PCDHA8: variants seen among roughly 807,000 people sequenced by gnomAD.
The protein encoded by PCDHA8 is protocadherin alpha 8.
In PCDHA8, 53 loss-of-function variants were observed where a neutral mutation model predicts 61.8. That is an observed-to-expected ratio of 0.86 (90% confidence interval 0.69 to 1.08). The LOEUF is 1.08. PCDHA8 is among the 50% of genes least tolerant of loss of function. The pLI, the probability that PCDHA8 is intolerant of heterozygous loss-of-function variation, is 0.00. For missense variants in PCDHA8, 1,293 were observed against 1,245.0 expected, an observed-to-expected ratio of 1.04 and a Z score of -0.58; for synonymous variants, 618 against 556.6, an observed-to-expected ratio of 1.11 and a Z score of -1.55.
Position 140,882,272 on chromosome 5 carries a change from C to G in PCDHA8, c.2394+38557C>G, listed in dbSNP as rs782377951. On this transcript the variant is annotated intron_variant, in intron 1 of 3. Transcript: ENST00000531613. ...TCTGAGGTTTTTGGAGTGTACCATG[C>G]TGTCTTCCTGGCAAGGAGGCCCAAG... The G allele has an allele frequency of 5.0e-6, 8 of 1,611,430 alleles. No individual in the cohort carries two copies. The highest frequency in any genetic ancestry group is 6.8e-6 in the Non-Finnish European group (8 of 1,178,456).
rs2098416049 is a variant in PCDHA8, at chr5:141,010,101, T to G, written c.*164T>G. The G allele has an allele frequency of 6.2e-6, 10 of 1,612,488 alleles. No homozygotes were observed. Among genetic ancestry groups the G allele is most frequent in the Non-Finnish European group, 8.5e-6 (10 of 1,179,154 alleles). ...GTCTGTCTAGAACGCATTTAACAGG[T>G]TTTGTCGTAAAAGCTTTACTAAGTC... On this transcript the variant is annotated 3_prime_UTR_variant, in exon 4 of 4. Transcript: ENST00000531613.
At chr5:140,850,480 C>G in intron 1 of PCDHA8, 1 of 1,597,900 alleles carries the variant, frequency 6.3e-7, no homozygotes, top group Non-Finnish European at 8.6e-7. Flanking sequence ...CTGACGGCCA[C>G]GGCCACTGTG....
intron 1 of PCDHA8, chr5:140,966,480 TC>T: frequency 2.3e-6 from 1 of 431,902 alleles, no homozygotes; most frequent in Admixed American, 4.4e-5. Flanking sequence ...TGTTTCCTTT[TC>T]CCTCCCCCTG....
At position 141,009,692 on chromosome 5, in the gene PCDHA8, A is replaced by G. The variant is rs2098413739; in HGVS notation, c.2608A>G (p.Lys870Glu). The G allele has an allele frequency of 6.2e-7, 1 of 1,613,856 alleles. No homozygotes were observed. Among genetic ancestry groups the G allele is most frequent in the African/African-American group, 1.3e-5 (1 of 74,858 alleles). The stretch of plus-strand genomic sequence containing the variant: ...TGTCAACAGCAACAGCTGGACCTTT[A>G]AATACGGACCAGGCAACCCCAAACA... The part of the protein sequence containing the change: ...AGVNSNSWTF[K>E]YGPGNPKQSG... Residue 870 changes from lysine to glutamate, a missense_variant, in exon 4 of 4, where the codon AAA (lysine) becomes GAA (glutamate). Physicochemically the swap from Lys to Glu is moderately conservative, Grantham distance 56. Transcript: ENST00000531613.
At chr5:140,904,440 A>G (rs1455600144) in intron 1 of PCDHA8, among the ~76,000 whole-genome samples, 1 of 151,204 alleles carries the variant, frequency 6.6e-6, no homozygotes, top group Non-Finnish European at 1.5e-5. Flanking sequence ...TATGTATATT[A>G]CAATTTCTTT....
intron 2 of PCDHA8, among the ~76,000 whole-genome samples, chr5:140,979,370 G>A (rs1247964519): frequency 6.6e-6 from 1 of 150,650 alleles, no homozygotes; most frequent in Non-Finnish European, 1.5e-5. Context: ...TGAGACTTGG[G>A]TACATTGTGC....
chr5:140,856,181 G>T lies in PCDHA8; in HGVS notation c.2394+12466G>T, dbSNP rs781803033. 1.1e-5 allele frequency: 18 copies of T among 1,598,112 alleles called. 2 individuals are homozygous for T. Among genetic ancestry groups the T allele is most frequent in the Middle Eastern group, 3.4e-4 (2 of 5,944 alleles). On this transcript the variant is annotated intron_variant, in intron 1 of 3. Coordinates refer to ENST00000531613, the MANE Select transcript of PCDHA8 (RefSeq NM_018911.3). Reference sequence around the variant, plus strand: ...GGAGGCCAGACACGGCACCTTCGTGGGCCGCATCGCGCAGGACCTGGGGCT... The same window carrying T: ...GGAGGCCAGACACGGCACCTTCGTGTGCCGCATCGCGCAGGACCTGGGGCT...
intron 1 of PCDHA8, chr5:140,856,221 T>C (rs2043861898): frequency 1.9e-6 from 3 of 1,597,980 alleles, no homozygotes; most frequent in Non-Finnish European, 2.6e-6. Flanking sequence ...CTGGCGGAGC[T>C]GGTGCAGCGC....
intron 1 of PCDHA8, chr5:140,969,555 C>A: frequency 1.6e-6 from 2 of 1,213,380 alleles, no homozygotes; most frequent in Non-Finnish European, 2.2e-6. Flanking sequence ...GAAGCCTTGT[C>A]CATAAAATTG....
chr5:140,870,785 C>T, intron 1 of PCDHA8: 1 of 1,613,662 alleles, frequency 6.2e-7, no homozygotes, highest in East Asian at 2.2e-5. Context: ...AACGACAACG[C>T]GCCGGCACTG....
intron 3 of PCDHA8, among the ~76,000 whole-genome samples, chr5:140,988,083 G>A (rs957131929): frequency 1.3e-5 from 2 of 152,292 alleles, no homozygotes; most frequent in Middle Eastern, 3.4e-3. Context: ...TCATGAGTGA[G>A]TGCAGCCTCG....
intron 1 of PCDHA8, chr5:140,875,972 T>C (rs782102743): frequency 3.1e-6 from 5 of 1,614,068 alleles, no homozygotes; most frequent in Non-Finnish European, 4.2e-6. Flanking sequence ...GTAAACTCTC[T>C]TTTGACCTAT....
Position 141,009,823 on chromosome 5 carries a change from C to T in PCDHA8, c.2739C>T (p.Phe913=), listed in dbSNP as rs2098414711. Residue 913 remains phenylalanine, a synonymous_variant, in exon 4 of 4, where the codon TTC becomes TTT. Transcript: ENST00000531613. The part of the protein sequence containing the change: ...PTNSQIDKSD[F]ITFGKKEETK... ...ACAGCCAAATTGACAAAAGTGACTTCATAACCTTCGGCAAAAAGGAGGAGA... is the reference window on the plus strand; with the variant it reads ...ACAGCCAAATTGACAAAAGTGACTTTATAACCTTCGGCAAAAAGGAGGAGA... 4 of 1,614,030 alleles carry T rather than the reference C, an allele frequency of 2.5e-6. No individual in the cohort carries two copies. The highest frequency in any genetic ancestry group is 3.4e-6 in the Non-Finnish European group (4 of 1,180,010).
At position 140,841,792 on chromosome 5, in the gene PCDHA8, G is replaced by A; in HGVS notation, c.471G>A (p.Ala157=). 1 of 1,613,916 alleles carries A rather than the reference G, an allele frequency of 6.2e-7. No homozygotes were observed. The highest frequency in any genetic ancestry group is 8.5e-7 in the Non-Finnish European group (1 of 1,179,874). The change falls in exon 1 of 4, where the codon GCG becomes GCA. Residue 157 remains alanine (A), a synonymous_variant. Coordinates refer to ENST00000531613, the MANE Select transcript of PCDHA8 (RefSeq NM_018911.3). ...MPDSRFPLEG[A]SDADVGANSV... ...ACTCTCGGTTTCCGCTAGAGGGCGC[G>A]TCCGATGCAGATGTTGGAGCTAACT...
At chr5:140,900,079 C>T (rs1289822790) in intron 1 of PCDHA8, among the ~76,000 whole-genome samples, 11 of 152,066 alleles carry the variant, frequency 7.2e-5, no homozygotes, top group East Asian at 3.9e-4. Context: ...AAAAGTGCTG[C>T]AGTTACAAGC....
chr5:140,991,838 G>T (rs1056330823), intron 3 of PCDHA8, among the ~76,000 whole-genome samples: 1 of 152,110 alleles, frequency 6.6e-6, no homozygotes, highest in Non-Finnish European at 1.5e-5. Context: ...CGGCAGAACC[G>T]CACTTCCAGA....
intron 1 of PCDHA8, chr5:140,848,977 A>C (rs2150427682): frequency 6.2e-7 from 1 of 1,600,464 alleles, no homozygotes; most frequent in South Asian, 1.1e-5. Context: ...TCCGATGCAG[A>C]TATCGGGGAG....
Position 141,009,908 on chromosome 5 carries a change from A to G in PCDHA8, c.2824A>G (p.Asn942Asp), listed in dbSNP as rs1295693430. The G allele has an allele frequency of 6.2e-7, 1 of 1,612,848 alleles. No individual in the cohort carries two copies. Among genetic ancestry groups the G allele is most frequent in the Non-Finnish European group, 8.5e-7 (1 of 1,179,798 alleles). Residue 942 changes from asparagine to aspartate, a missense_variant, in exon 4 of 4, where the codon AAC (asparagine) becomes GAC (aspartate). By Grantham distance (23) the Asn-to-Asp change is conservative (BLOSUM62 1). Transcript: ENST00000531613. Reference sequence around the variant, plus strand: ...GACCCAGGAGAAAAAAGAGAAAGGGAACAGCACGACTGACAACAGTGACCA... The same window carrying G: ...GACCCAGGAGAAAAAAGAGAAAGGGGACAGCACGACTGACAACAGTGACCA... ...NKTQEKKEKG[N>D]STTDNSDQ
intron 1 of PCDHA8, chr5:140,863,385 G>C: frequency 9.7e-7 from 1 of 1,030,864 alleles, no homozygotes; most frequent in Non-Finnish European, 1.4e-6. Context: ...CCGAGAGCTC[G>C]TGCATGCCGG....
Sources: gnomAD v4.1 joint callset for allele counts (sites outside exome capture counted in the v4.1 genomes callset) on GRCh38, gnomAD v4.1.1 for gene constraint, MANE v1.5 for transcripts, NCBI Gene and HGNC (gene_info 2026-07-23, HGNC 2026-07-21) for gene names.